C7orf57: variants seen among roughly 807,000 people sequenced by gnomAD.
C7orf57 encodes the protein chromosome 7 open reading frame 57.
A neutral mutation model predicts 39.0 loss-of-function variants in C7orf57; 33 were observed. That is an observed-to-expected ratio of 0.85 (90% CI 0.64 to 1.13). C7orf57 has a LOEUF of 1.13. Ranked by LOEUF, C7orf57 falls within the 50% of genes most tolerant of loss-of-function variation. The pLI, the probability that C7orf57 is intolerant of heterozygous loss-of-function variation, is 0.00. For missense variants in C7orf57, 346 were observed against 362.3 expected (o/e 0.95, Z 0.37); for synonymous variants, 124 against 137.1 (o/e 0.90, Z 0.67).
At chr7:48,049,615 C>T (rs1188345751) in intron 5 of C7orf57, among the ~76,000 whole-genome samples, 1 of 152,080 alleles carries the variant, frequency 6.6e-6, no homozygotes, top group Non-Finnish European at 1.5e-5. Context: ...CAGGACGAGG[C>T]TCTTAGTTCA....
intron 2 of C7orf57, among the ~76,000 whole-genome samples, chr7:48,039,868 C>G (rs1012378863): frequency 6.6e-6 from 1 of 151,838 alleles, no homozygotes; most frequent in Non-Finnish European, 1.5e-5. Context: ...ATTGAATACA[C>G]CCAGTCACTT....
intron 6 of C7orf57, among the ~76,000 whole-genome samples, chr7:48,051,347 A>ATTTTTTTTTTTTTTTTT (rs71006546): frequency 2.9e-5 from 2 of 69,780 alleles, no homozygotes; most frequent in Non-Finnish European, 5.2e-5. Context: ...CAGCTGGCTA[A>ATTTTTTTTTTTTTTTTT]TTTTTTTTTT....
chr7:48,059,083 A>T (rs1791214051), intron 8 of C7orf57, among the ~76,000 whole-genome samples: 1 of 152,134 alleles, frequency 6.6e-6, no homozygotes, highest in Non-Finnish European at 1.5e-5. Flanking sequence ...GTCACTATGA[A>T]ATGCCTGCTC....
rs112542082 is a variant in C7orf57, at chr7:48,050,501, GT to G, written c.605+527del. On this transcript the variant is annotated intron_variant, in intron 6 of 8. Transcript: ENST00000348904. ...GTCTTCTTACTCTCCCAGAATCCAA[GT>G]TTAATGCTAGGATAAATGTTATTAA... Among the ~76,000 whole-genome samples, 73 of 152,274 alleles carry G rather than the reference GT, an allele frequency of 4.8e-4. 1 individual carries two copies. Among genetic ancestry groups the G allele is most frequent in the African/African-American group, 1.6e-3 (67 of 41,552 alleles).
At chr7:48,036,975 G>C (rs557907289) in intron 2 of C7orf57, among the ~76,000 whole-genome samples, 47 of 151,996 alleles carry the variant, frequency 3.1e-4, no homozygotes, top group Non-Finnish European at 5.1e-4. Context: ...TTTGTGAAAG[G>C]CTGTAGGAGG....
Position 48,043,497 on chromosome 7 carries a change from T to C in C7orf57, c.258T>C (p.Phe86=). Residue 86 remains phenylalanine (F), a synonymous_variant, in exon 4 of 9, where the codon TTT becomes TTC. Transcript: ENST00000348904. ...QGGRPDLLKH[F]APGTRKGSPV... ...TCTTTTGAGATTTGTTGAAGCACTTTGCCCCTGGAACCAGGAAAGGCTCTC... is the reference window on the plus strand; with the variant it reads ...TCTTTTGAGATTTGTTGAAGCACTTCGCCCCTGGAACCAGGAAAGGCTCTC... The C allele has an allele frequency of 6.2e-7, 1 of 1,613,806 alleles. No homozygotes were observed.
intron 6 of C7orf57, among the ~76,000 whole-genome samples, chr7:48,050,704 C>T (rs1022694713): frequency 3.4e-4 from 51 of 151,912 alleles, no homozygotes; most frequent in African/African-American, 1.1e-3. Flanking sequence ...TATAGATGTA[C>T]GAGAGAGAAA....
In C7orf57 at chr7:48,046,582, G is replaced by A; in HGVS notation, c.473G>A (p.Arg158Lys). The A allele has an allele frequency of 6.2e-7, 1 of 1,613,762 alleles. No homozygotes were observed. Among genetic ancestry groups the A allele is most frequent in the Non-Finnish European group, 8.5e-7 (1 of 1,179,768 alleles). ...TTCGACATGAAAACAGTTTGGCAAA[G>A]AGAGGCTGAGGAACTTGAAAAGGAG... ...FDFDMKTVWQREAEELEKEKK... is the reference protein window; with the variant it reads ...FDFDMKTVWQKEAEELEKEKK... Residue 158 changes from arginine to lysine, a missense_variant, in exon 5 of 9, where the codon AGA becomes AAA. Physicochemically the swap from Arg to Lys is conservative, Grantham distance 26 (BLOSUM62 2). Coordinates refer to ENST00000348904, the MANE Select transcript of C7orf57 (RefSeq NM_001100159.3).
At chr7:48,045,669 C>T (rs756141504) in intron 4 of C7orf57, among the ~76,000 whole-genome samples, 12 of 152,124 alleles carry the variant, frequency 7.9e-5, no homozygotes, top group Non-Finnish European at 1.2e-4. Context: ...TGGGGGCATC[C>T]CTGCAGCCCC....
chr7:48,052,611 C>G, intron 6 of C7orf57, 89 bp from the exon 7 acceptor site: 1 of 1,052,646 alleles, frequency 9.5e-7, no homozygotes, highest in Non-Finnish European at 1.4e-6. Flanking sequence ...GACAGTGACA[C>G]CTCCTATTTG....
intron 5 of C7orf57, among the ~76,000 whole-genome samples, chr7:48,047,172 A>ATT (rs1790741760): frequency 2.0e-5 from 3 of 152,118 alleles, no homozygotes; most frequent in African/African-American, 7.2e-5. Context: ...GTTGTTGGGA[A>ATT]GTCTTGACAG....
At chr7:48,038,383 T>TATATAG (rs148010398) in intron 2 of C7orf57, among the ~76,000 whole-genome samples, 35 of 150,244 alleles carry the variant, frequency 2.3e-4, no homozygotes, top group African/African-American at 8.6e-4. Context: ...TCTATATACA[T>TATATAG]ATAGATAGAT....
rs377642434 is a variant in C7orf57 at position 48,054,989 on chromosome 7, G to A, written c.841+383G>A. Among the ~76,000 whole-genome samples the A allele has an allele frequency of 6.6e-4, 101 of 152,144 alleles. No individual in the cohort carries two copies. The East Asian group carries it at 0.018, about 27-fold the overall frequency. ...CCTCCCGGGTTCACGCCATTCTCCC[G>A]CCTCAGCCTCCCGAGTAACTGGGAC... On this transcript the variant is annotated intron_variant, in intron 8 of 8. Transcript: ENST00000348904.
rs564636407 is a variant in C7orf57 at position 48,046,003 on chromosome 7, A to C, written c.351-457A>C. 2.2e-4 allele frequency among the ~76,000 whole-genome samples: 34 copies of C among 152,262 alleles called. 1 individual carries two copies. The South Asian group carries it at 6.4e-3, about 29-fold the overall frequency. ...GGTAGATGCTATCCTAAAAGAAATA[A>C]TTATTTTATAAGGTACGTTTTATAA... On this transcript the variant is annotated intron_variant, in intron 4 of 8. Coordinates refer to ENST00000348904, the MANE Select transcript of C7orf57 (RefSeq NM_001100159.3).
chr7:48,043,741 G>A (rs1790622989), intron 4 of C7orf57, among the ~76,000 whole-genome samples, 152 bp downstream of exon 4: 1 of 152,174 alleles, frequency 6.6e-6, no homozygotes, highest in Admixed American at 6.6e-5. Flanking sequence ...CTCTTTGAGG[G>A]ATGTAGCCTA....
chr7:48,060,196 G>A, intron 8 of C7orf57, 30 bp from the exon 9 acceptor site: 1 of 1,431,764 alleles, frequency 7.0e-7, no homozygotes, highest in Non-Finnish European at 9.5e-7. Context: ...TGTCATCTTT[G>A]TCTACTCATT....
In C7orf57 at chr7:48,051,296, CT is replaced by C. The variant is rs552178518; in HGVS notation, c.605+1320del. On this transcript the variant is annotated intron_variant, in intron 6 of 8. Coordinates refer to ENST00000348904, the MANE Select transcript of C7orf57 (RefSeq NM_001100159.3). ...TCTCAGGTTCAAGTGATTCTCCTGC[CT>C]CAGCCTCCCAAGTAGCGGGACTATA... Among the ~76,000 whole-genome samples, 881 of 151,370 alleles carry C rather than the reference CT, an allele frequency of 5.8e-3. 4 individuals are homozygous for C. Among genetic ancestry groups the C allele is most frequent in the Middle Eastern group, 0.027 (8 of 292 alleles).
intron 7 of C7orf57, among the ~76,000 whole-genome samples, chr7:48,053,533 C>T (rs965770115): frequency 6.6e-6 from 1 of 152,066 alleles, no homozygotes; most frequent in South Asian, 2.1e-4. Flanking sequence ...ATCACTGTAG[C>T]CTCAACCTCC....
chr7:48,038,206 AT>A (rs1790440781), intron 2 of C7orf57, among the ~76,000 whole-genome samples: 1 of 152,232 alleles, frequency 6.6e-6, no homozygotes, highest in African/African-American at 2.4e-5. Context: ...ATTAAATACC[AT>A]CCATTAAAAA....
Sources: gnomAD v4.1 joint callset for allele counts (sites outside exome capture counted in the v4.1 genomes callset) on GRCh38, gnomAD v4.1.1 for gene constraint, MANE v1.5 for transcripts, NCBI Gene and HGNC (gene_info 2026-07-23, HGNC 2026-07-21) for gene names.